ZNF536: variants seen among roughly 807,000 people sequenced by gnomAD.
ZNF536 encodes the protein zinc finger protein 536.
ZNF536 carries 13 observed loss-of-function variants against 84.5 expected under a neutral mutation model. The ratio of observed to expected loss-of-function variants is 0.15; its 90% CI spans 0.10 to 0.24. ZNF536 has a LOEUF of 0.24. Among genes scored for constraint, ZNF536 ranks in the 10% least tolerant of loss-of-function variants. The pLI is 1.00. For missense variants in ZNF536, 1,536 were observed against 1,747.5 expected (o/e 0.88, Z 2.16); for synonymous variants, 811 against 742.5 (o/e 1.09, Z -1.50).
intron 2 of ZNF536, among the ~76,000 whole-genome samples, chr19:30,323,165 G>T (rs961773315): frequency 6.6e-6 from 1 of 152,214 alleles, no homozygotes; most frequent in African/African-American, 2.4e-5. Context: ...TCCCACCTGG[G>T]CTGGGCTTTG....
intron 2 of ZNF536, among the ~76,000 whole-genome samples, chr19:30,463,873 A>G (rs1248948898): frequency 2.0e-5 from 3 of 151,706 alleles, no homozygotes; most frequent in Admixed American, 6.6e-5. Context: ...CCTCATGGTG[A>G]TGTGTTCTGT....
chr19:30,692,611 C>T (rs952954666), intron 1 of ZNF536, among the ~76,000 whole-genome samples: 1 of 152,222 alleles, frequency 6.6e-6, no homozygotes, highest in Non-Finnish European at 1.5e-5. Context: ...GCCGTTCTGC[C>T]ATGGGCGAAA....
intron 3 of ZNF536, among the ~76,000 whole-genome samples, chr19:30,364,776 G>GA (rs1196640793): frequency 3.3e-5 from 5 of 152,136 alleles, no homozygotes; most frequent in African/African-American, 1.2e-4. Flanking sequence ...CTTTAGAAAA[G>GA]AAAAACACCC....
At chr19:30,575,923 TAGGC>T (rs2046717075) in intron 1 of ZNF536, among the ~76,000 whole-genome samples, 8 of 152,162 alleles carry the variant, frequency 5.3e-5, no homozygotes, top group Non-Finnish European at 7.3e-5. Flanking sequence ...AGAAATGGCC[TAGGC>T]CTTGTGGCCA....
chr19:30,394,398 A>C (rs747200920), intron 1 of ZNF536, among the ~76,000 whole-genome samples: 1 of 152,002 alleles, frequency 6.6e-6, no homozygotes, highest in Non-Finnish European at 1.5e-5. Context: ...CTAGATTTGC[A>C]TTTGCAAATG....
intron 1 of ZNF536, among the ~76,000 whole-genome samples, chr19:30,377,332 C>T (rs1221239166): frequency 6.6e-6 from 1 of 152,066 alleles, no homozygotes; most frequent in African/African-American, 2.4e-5. Context: ...CCAAAGTTAG[C>T]CTTTGGGCCA....
At chr19:30,503,804 CT>C (rs2055047121) in intron 2 of ZNF536, among the ~76,000 whole-genome samples, 1 of 152,102 alleles carries the variant, frequency 6.6e-6, no homozygotes, top group African/African-American at 2.4e-5. Context: ...TTTCTGATTC[CT>C]TTTTCCCCTC....
chr19:30,458,216 T>A (rs1249115292), intron 2 of ZNF536, among the ~76,000 whole-genome samples: 1 of 152,104 alleles, frequency 6.6e-6, no homozygotes, highest in Non-Finnish European at 1.5e-5. Context: ...TTCTCTGGGC[T>A]TTGGCTTTTT....
chr19:30,685,849 C>A (rs540518159), intron 1 of ZNF536, among the ~76,000 whole-genome samples: 52 of 152,340 alleles, frequency 3.4e-4, no homozygotes, highest in Non-Finnish European at 6.5e-4. Flanking sequence ...TCCCAAGTTA[C>A]TCTGCCTCCT....
chr19:30,287,569 T>TATGG (rs1255229687), intron 2 of ZNF536, among the ~76,000 whole-genome samples: 2 of 79,984 alleles, frequency 2.5e-5, no homozygotes, highest in East Asian at 3.5e-4. Flanking sequence ...TGAATGGGTA[T>TATGG]ATGGATGGAT....
At chr19:30,680,146 A>G (rs2147812379) in intron 1 of ZNF536, among the ~76,000 whole-genome samples, 1 of 152,220 alleles carries the variant, frequency 6.6e-6, no homozygotes, top group East Asian at 1.9e-4. Context: ...TCTCTGTCAC[A>G]CCGGGGACAA....
At chr19:30,612,115 C>T (rs2048124937) in intron 1 of ZNF536, among the ~76,000 whole-genome samples, 1 of 152,152 alleles carries the variant, frequency 6.6e-6, no homozygotes, top group Non-Finnish European at 1.5e-5. Flanking sequence ...AGCAGCCCAG[C>T]TTAAGGATTT....
At chr19:30,604,736 C>T (rs1021113830) in intron 1 of ZNF536, among the ~76,000 whole-genome samples, 1 of 152,182 alleles carries the variant, frequency 6.6e-6, no homozygotes. Context: ...CAGCCAGCCA[C>T]TAAAGTAATT....
At chr19:30,578,935 A>G (rs1384543324) in intron 1 of ZNF536, among the ~76,000 whole-genome samples, 1 of 152,216 alleles carries the variant, frequency 6.6e-6, no homozygotes, top group East Asian at 1.9e-4. Context: ...TTTGTGGCCC[A>G]GTTCTACTGC....
chr19:30,309,292 G>T (rs2046428317), intron 2 of ZNF536, among the ~76,000 whole-genome samples: 1 of 152,204 alleles, frequency 6.6e-6, no homozygotes, highest in African/African-American at 2.4e-5. Flanking sequence ...TTCCGGGAAG[G>T]TTGCAAGAGA....
intron 1 of ZNF536, among the ~76,000 whole-genome samples, chr19:30,576,630 C>T (rs2046747287): frequency 6.6e-6 from 1 of 152,232 alleles, no homozygotes; most frequent in Admixed American, 6.5e-5. Context: ...CATGGGGACC[C>T]ACTGCCATGC....
chr19:30,642,164 ACC>A (rs2052701900), intron 1 of ZNF536, among the ~76,000 whole-genome samples: 1 of 152,096 alleles, frequency 6.6e-6, no homozygotes, highest in South Asian at 2.1e-4. Flanking sequence ...CATGTAAGGA[ACC>A]CCGTGGTGAC....
chr19:30,311,595 T>C (rs369299260), intron 2 of ZNF536, among the ~76,000 whole-genome samples: 5 of 152,174 alleles, frequency 3.3e-5, no homozygotes, highest in African/African-American at 7.2e-5. Context: ...AATATTTTCA[T>C]TGAAGCAGCT....
intron 2 of ZNF536, among the ~76,000 whole-genome samples, chr19:30,332,486 G>A (rs938482566): frequency 6.6e-6 from 1 of 152,088 alleles, no homozygotes; most frequent in African/African-American, 2.4e-5. Flanking sequence ...CGTCAGAACT[G>A]CCCTTCCCTC....
Sources: gnomAD v4.1 joint callset for allele counts (sites outside exome capture counted in the v4.1 genomes callset) on GRCh38, gnomAD v4.1.1 for gene constraint, MANE v1.5 for transcripts, NCBI Gene and HGNC (gene_info 2026-07-23, HGNC 2026-07-21) for gene names.